Variants in CEMIP observed in about 807,000 individuals in gnomAD.
CEMIP encodes the protein cell migration inducing hyaluronidase 1.
A neutral mutation model predicts 156.9 loss-of-function variants in CEMIP; 105 were observed. That is an observed-to-expected ratio of 0.67 (90% CI 0.57 to 0.79). The LOEUF is 0.79. CEMIP is among the 30% of genes least tolerant of loss of function. The probability of loss-of-function intolerance (pLI) is 0.00; values close to 1 mark genes in which losing one functional copy is unlikely to be tolerated. For synonymous variants in CEMIP, 676 were observed against 668.4 expected (o/e 1.01, Z -0.17); for missense variants, 1,457 against 1,769.4 (o/e 0.82, Z 3.17).
At chr15:80,856,883 G>A (rs539104875) in intron 1 of CEMIP, among the ~76,000 whole-genome samples, 3 of 152,254 alleles carry the variant, frequency 2.0e-5, no homozygotes, top group South Asian at 2.1e-4. Context: ...TTTCACCTGC[G>A]TGCAGGGATC....
chr15:80,927,661 A>G (rs1050936314), intron 19 of CEMIP, among the ~76,000 whole-genome samples: 1 of 152,048 alleles, frequency 6.6e-6, no homozygotes, highest in Non-Finnish European at 1.5e-5. Context: ...TCTGCCTGGC[A>G]CCAAGGCTGT....
At chr15:80,861,342 A>G (rs987759692) in intron 1 of CEMIP, among the ~76,000 whole-genome samples, 2 of 152,050 alleles carry the variant, frequency 1.3e-5, no homozygotes, top group African/African-American at 4.8e-5. Context: ...CCCCACACCC[A>G]TGCTTTCAGG....
chr15:80,780,479 C>A (rs1321155248), intron 1 of CEMIP, among the ~76,000 whole-genome samples: 3 of 152,156 alleles, frequency 2.0e-5, no homozygotes, highest in Non-Finnish European at 4.4e-5. Flanking sequence ...GGTCCTCAGC[C>A]GCAGACACTC....
chr15:80,849,258 T>G (rs1303261088), intron 1 of CEMIP, among the ~76,000 whole-genome samples: 2 of 151,994 alleles, frequency 1.3e-5, no homozygotes, highest in African/African-American at 4.8e-5. Context: ...GGATTATAGG[T>G]GAATGAGCCA....
At position 80,936,801 on chromosome 15, in the gene CEMIP, T is replaced by C. The variant is rs200344468; in HGVS notation, c.3137T>C (p.Val1046Ala). The C allele has an allele frequency of 6.3e-5, 101 of 1,614,014 alleles. No individual in the cohort carries two copies. The highest frequency in any genetic ancestry group is 6.7e-5 in the African/African-American group (5 of 74,922). Residue 1046 changes from valine to alanine, a missense_variant, in exon 24 of 30, where the codon GTT becomes GCT. Around this residue, in one of 5 missense-constraint regions of CEMIP, gnomAD observed 798 missense variants for 980.1 expected, o/e 0.81. Transcript: ENST00000394685. ...ACCCATTACCAGCAATACCAACCGG[T>C]TGTCACCCTGCAGAAGGGCTACACC... ...RSTHYQQYQPVVTLQKGYTIH... is the reference protein window; with the variant it reads ...RSTHYQQYQPAVTLQKGYTIH...
rs146608881 is a variant in CEMIP at position 80,895,938 on chromosome 15, T to C, written c.1289T>C (p.Val430Ala). The change falls in exon 12 of 30, where the codon GTA (valine) becomes GCA (alanine). Residue 430 changes from valine to alanine, a missense_variant. Coordinates refer to ENST00000394685, the MANE Select transcript of CEMIP (RefSeq NM_001293298.2). Reference protein sequence around the residue: ...NSTILNLEDNVQSWKPGDTLV... With the variant: ...NSTILNLEDNAQSWKPGDTLV... Reference sequence around the variant, plus strand: ...ACCATTCTGAACTTGGAGGATAATGTACAGTCATGGAAACCTGGAGATACC... The same window carrying C: ...ACCATTCTGAACTTGGAGGATAATGCACAGTCATGGAAACCTGGAGATACC... 1.7e-5 allele frequency: 27 copies of C among 1,614,050 alleles called. No individual in the cohort carries two copies. The Admixed American group carries it at 2.3e-4, about 14-fold the overall frequency.
intron 12 of CEMIP, chr15:80,897,192 G>C (rs1238443754): frequency 2.2e-6 from 1 of 451,250 alleles, no homozygotes; most frequent in Non-Finnish European, 4.5e-6. Flanking sequence ...ACCTGGAGGA[G>C]TATTAGAATA....
intron 1 of CEMIP, among the ~76,000 whole-genome samples, chr15:80,800,972 T>C (rs940597617): frequency 2.0e-5 from 3 of 152,204 alleles, no homozygotes; most frequent in African/African-American, 7.2e-5. Flanking sequence ...TGCTTCTCCC[T>C]TCTGTTTTAG....
Position 80,825,726 on chromosome 15 carries a change from A to G in CEMIP, c.-176+46112A>G, listed in dbSNP as rs75221643. Among the ~76,000 whole-genome samples, 981 of 152,346 alleles carry G rather than the reference A, an allele frequency of 6.4e-3. 9 individuals carry two copies. Among genetic ancestry groups the G allele is most frequent in the African/African-American group, 0.023 (943 of 41,578 alleles). On this transcript the variant is annotated intron_variant, in intron 1 of 29. Transcript: ENST00000394685. ...CAAGGCCCTGGATTTGCATCTGGCC[A>G]GATCTCTCAGATATCATTCAGGGCA...
chr15:80,904,154 T>C (rs372064651), intron 12 of CEMIP, among the ~76,000 whole-genome samples: 15 of 152,242 alleles, frequency 9.9e-5, no homozygotes, highest in African/African-American at 2.9e-4. Flanking sequence ...GGCATCTGCA[T>C]ATCAGGGAGT....
intron 17 of CEMIP, among the ~76,000 whole-genome samples, chr15:80,923,653 G>A (rs1008414737): frequency 4.6e-5 from 7 of 152,220 alleles, no homozygotes; most frequent in Middle Eastern, 6.8e-3. Context: ...GGATGGATTC[G>A]ATTGTCTAAG....
chr15:80,832,879 G>A (rs1279731509), intron 1 of CEMIP, among the ~76,000 whole-genome samples: 1 of 152,114 alleles, frequency 6.6e-6, no homozygotes, highest in Non-Finnish European at 1.5e-5. Flanking sequence ...AAGCATCTGA[G>A]GCTCACTCAC....
At position 80,920,150 on chromosome 15, in the gene CEMIP, G is replaced by C. The variant is rs914569084; in HGVS notation, c.1854G>C (p.Gly618=). Residue 618 remains glycine, a synonymous_variant, in exon 15 of 30, where the codon GGG becomes GGC. Coordinates refer to ENST00000394685, the MANE Select transcript of CEMIP (RefSeq NM_001293298.2). ...GCCACTGCTTCTTCACGGAAGATGG[G>C]CCGGAGGAACGCAACACTTTTGACC... ...SLGHCFFTED[G]PEERNTFDHC... 5.6e-6 allele frequency: 9 copies of C among 1,614,084 alleles called. No homozygotes were observed. In the African/African-American group the frequency reaches 1.2e-4, roughly 22 times the overall value.
chr15:80,895,923 A>C lies in CEMIP; in HGVS notation c.1274A>C (p.Asn425Thr), dbSNP rs751020491. The C allele has an allele frequency of 6.2e-7, 1 of 1,614,164 alleles. No individual in the cohort carries two copies. The highest frequency in any genetic ancestry group is 1.1e-5 in the South Asian group (1 of 91,078). ...ACCAATGTGAACAGCACCATTCTGAACTTGGAGGATAATGTACAGTCATGG... is the reference window on the plus strand; with the variant it reads ...ACCAATGTGAACAGCACCATTCTGACCTTGGAGGATAATGTACAGTCATGG... ...IDTNVNSTIL[N>T]LEDNVQSWKP... is the part of the protein sequence containing the mutation. Residue 425 changes from asparagine to threonine, a missense_variant, in exon 12 of 30, where the codon AAC becomes ACC. Asn to Thr is a moderately conservative substitution (Grantham distance 65). Coordinates refer to ENST00000394685, the MANE Select transcript of CEMIP (RefSeq NM_001293298.2).
At chr15:80,897,792 G>C (rs1419457595) in intron 12 of CEMIP, among the ~76,000 whole-genome samples, 3 of 152,222 alleles carry the variant, frequency 2.0e-5, no homozygotes, top group African/African-American at 7.2e-5. Flanking sequence ...ACCGAGATTA[G>C]CAGAAGAGCA....
At chr15:80,869,949 C>T (rs1207842483) in intron 1 of CEMIP, among the ~76,000 whole-genome samples, 1 of 152,222 alleles carries the variant, frequency 6.6e-6, no homozygotes, top group Non-Finnish European at 1.5e-5. Context: ...TCTCTTCTTT[C>T]ATGCCATGGA....
intron 10 of CEMIP, among the ~76,000 whole-genome samples, chr15:80,891,827 T>G (rs775327249): frequency 1.3e-5 from 2 of 152,194 alleles, no homozygotes; most frequent in Non-Finnish European, 2.9e-5. Flanking sequence ...CTCTTCATGC[T>G]CATCAAAGGT....
intron 29 of CEMIP, 80 bp from the exon 30 acceptor site, chr15:80,948,717 C>T (rs554128645): frequency 2.3e-5 from 36 of 1,591,866 alleles, no homozygotes; most frequent in East Asian, 4.5e-5. Context: ...GGGGGGCTGG[C>T]GATGGGGAGC....
intron 1 of CEMIP, among the ~76,000 whole-genome samples, chr15:80,797,819 C>T (rs1896271198): frequency 1.3e-5 from 2 of 152,210 alleles, no homozygotes; most frequent in African/African-American, 2.4e-5. Context: ...TTTATTACCA[C>T]AGCAGAGTAT....
Sources: allele counts gnomAD v4.1 joint callset (sites outside exome capture counted in the v4.1 genomes callset), GRCh38; gene constraint gnomAD v4.1.1; regional missense constraint gnomAD v4.1.1; transcripts MANE v1.5; gene names NCBI Gene and HGNC (gene_info 2026-07-23, HGNC 2026-07-21).